EYA1: variants seen among roughly 807,000 people sequenced by gnomAD.
EYA1 encodes EYA transcriptional coactivator and phosphatase 1.
Under a neutral mutation model 82.0 loss-of-function variants are expected in EYA1, and 16 were observed. The ratio of observed to expected loss-of-function variants is 0.20; its 90% CI spans 0.13 to 0.30. EYA1 has a LOEUF of 0.30. Ranked by LOEUF, EYA1 falls within the 10% of genes least tolerant of loss-of-function variation. The pLI is 1.00. For missense variants in EYA1, 633 were observed against 730.7 expected, an observed-to-expected ratio of 0.87 and a Z score of 1.54; for synonymous variants, 261 against 264.4, an observed-to-expected ratio of 0.99 and a Z score of 0.12.
chr8:71,244,609 G>A lies in EYA1; in HGVS notation c.1134C>T (p.Asp378=), dbSNP rs1812855393. 6.4e-7 allele frequency: 1 copy of A among 1,571,062 alleles called. No individual in the cohort carries two copies. The highest frequency in any genetic ancestry group is 8.7e-7 in the Non-Finnish European group (1 of 1,143,560). Residue 378 remains aspartate (D), a synonymous_variant, in exon 12 of 18, where the codon GAC becomes GAT. Coordinates refer to ENST00000340726, the MANE Select transcript of EYA1 (RefSeq NM_000503.6). Reference sequence around the variant, plus strand: ...ATTAAAAATTAGAACTTACTTCTAAGTCATTAAAAAATAAATGTGTGTCTG... The same window carrying A: ...ATTAAAAATTAGAACTTACTTCTAAATCATTAAAAAATAAATGTGTGTCTG... The part of the protein sequence containing the change: ...NLADTHLFFN[D]LEECDQVHID...
intron 2 of EYA1, among the ~76,000 whole-genome samples, chr8:71,381,797 TC>T (rs1344679803): frequency 6.6e-6 from 1 of 152,140 alleles, no homozygotes; most frequent in Non-Finnish European, 1.5e-5. Flanking sequence ...CACACTCAAC[TC>T]CCTATCATAC....
At chr8:71,391,622 CA>C (rs1231560422) in intron 2 of EYA1, among the ~76,000 whole-genome samples, 3 of 152,142 alleles carry the variant, frequency 2.0e-5, no homozygotes, top group Admixed American at 2.0e-4. Context: ...GTTTAGCAGG[CA>C]ATGAATCTGG....
At chr8:71,460,001 T>G (rs906354447) in intron 2 of EYA1, among the ~76,000 whole-genome samples, 7 of 152,196 alleles carry the variant, frequency 4.6e-5, no homozygotes, top group African/African-American at 1.4e-4. Context: ...ACATATTCCT[T>G]TGTTACCTCT....
At position 71,503,993 on chromosome 8, in the gene EYA1, C is replaced by A. The variant is rs76014187; in HGVS notation, c.33+31751G>T. ...CAGCTACTCCTTACAGGAGAGGCAC[C>A]TAAATTATAGCAATTATTTTCATAG... On this transcript the variant is annotated intron_variant, in intron 2 of 18. Transcript: ENST00000643681. Among the ~76,000 whole-genome samples, 768 of 152,200 alleles carry A rather than the reference C, an allele frequency of 5.0e-3. 8 individuals carry two copies. The highest frequency in any genetic ancestry group is 0.017 in the African/African-American group (719 of 41,512).
chr8:71,368,955 G>A (rs1476322679), intron 2 of EYA1, among the ~76,000 whole-genome samples: 3 of 150,226 alleles, frequency 2.0e-5, no homozygotes, highest in African/African-American at 7.4e-5. Flanking sequence ...TTGGGAGGTC[G>A]AGGCAGGTGG....
At chr8:71,235,474 T>G (rs1262273073) in intron 12 of EYA1, among the ~76,000 whole-genome samples, 1 of 152,108 alleles carries the variant, frequency 6.6e-6, no homozygotes, top group East Asian at 1.9e-4. Flanking sequence ...TTCTCCCTTC[T>G]TGACAAATGT....
chr8:71,197,687 T>C lies in EYA1; in HGVS notation c.*1653A>G, dbSNP rs1362494418. ...TGGATAATTCACAAATGACTATTTCTAGCAGCAACACACAACTTCAGAAAA... is the reference window on the plus strand; with the variant it reads ...TGGATAATTCACAAATGACTATTTCCAGCAGCAACACACAACTTCAGAAAA... On this transcript the variant is annotated 3_prime_UTR_variant, in exon 18 of 18. Transcript: ENST00000340726. 6.5e-6 allele frequency: 1 copy of C among 152,672 alleles called. No homozygotes were observed. 9.5% of individuals were successfully genotyped at this position (152,672 alleles called of 1,614,324 possible).
intron 12 of EYA1, among the ~76,000 whole-genome samples, chr8:71,230,136 AG>A (rs1386277711): frequency 3.9e-5 from 6 of 152,312 alleles, no homozygotes; most frequent in African/African-American, 1.4e-4. Context: ...TTGAAGTTAC[AG>A]GCATACAGGC....
At chr8:71,507,317 C>T (rs1812265154) in intron 2 of EYA1, among the ~76,000 whole-genome samples, 1 of 152,298 alleles carries the variant, frequency 6.6e-6, no homozygotes, top group East Asian at 1.9e-4. Flanking sequence ...TTCTTAACCA[C>T]TATGAATACT....
chr8:71,505,125 C>T (rs1297292207), intron 2 of EYA1, among the ~76,000 whole-genome samples: 1 of 152,190 alleles, frequency 6.6e-6, no homozygotes, highest in African/African-American at 2.4e-5. Flanking sequence ...AATTCTGCCA[C>T]AAGTGGAGCC....
intron 5 of EYA1, 121 bp from the exon 6 acceptor site, chr8:71,322,000 C>G: frequency 7.3e-7 from 1 of 1,365,930 alleles, no homozygotes; most frequent in African/African-American, 1.4e-5. Context: ...AACTTTCACA[C>G]AGAATTGACA....
intron 3 of EYA1, among the ~76,000 whole-genome samples, chr8:71,353,943 A>T (rs925674852): frequency 1.3e-5 from 2 of 152,166 alleles, no homozygotes; most frequent in Non-Finnish European, 2.9e-5. Flanking sequence ...ATGAAGAAAT[A>T]ATTTTTCAAT....
chr8:71,425,121 A>C (rs1167508092), intron 2 of EYA1, among the ~76,000 whole-genome samples: 2 of 149,926 alleles, frequency 1.3e-5, no homozygotes, highest in East Asian at 3.9e-4. Context: ...AAAAAAAAAA[A>C]AAAAAAAATC....
chr8:71,529,035 G>A (rs1814045134), intron 2 of EYA1, among the ~76,000 whole-genome samples: 1 of 152,034 alleles, frequency 6.6e-6, no homozygotes. Context: ...TTCATCCTGG[G>A]GACCCAGCAA....
At chr8:71,497,644 T>C (rs1316110137) in intron 2 of EYA1, among the ~76,000 whole-genome samples, 1 of 152,032 alleles carries the variant, frequency 6.6e-6, no homozygotes, top group Non-Finnish European at 1.5e-5. Context: ...ACAACCATTA[T>C]GGAAAACACT....
chr8:71,533,635 G>A (rs1164977421), intron 2 of EYA1, among the ~76,000 whole-genome samples: 1 of 152,034 alleles, frequency 6.6e-6, no homozygotes, highest in African/African-American at 2.4e-5. Context: ...CTATGTTCTA[G>A]GTCCTCTTCC....
In EYA1 at chr8:71,322,265, A is replaced by G. The variant is rs371059560; in HGVS notation, c.206T>C (p.Ile69Thr). The G allele has an allele frequency of 9.3e-6, 15 of 1,613,642 alleles. No individual in the cohort carries two copies. The African/African-American group carries it at 1.1e-4, about 11-fold the overall frequency. ...GSLNNFSGSA[I>T]GSSSFSPRPT... ...TCGTGGGCTGAAACTACTGCTCCCA[A>G]TTGCTGGAAAACAAAAACAAAACAA... is the stretch of plus-strand genomic sequence containing the variant. Residue 69 changes from isoleucine to threonine, a missense_variant, in exon 5 of 18, where the codon ATT (isoleucine) becomes ACT (threonine). Physicochemically the swap from Ile to Thr is moderately conservative, Grantham distance 89. Transcript: ENST00000340726.
chr8:71,485,854 AT>A (rs1225719711), intron 2 of EYA1, among the ~76,000 whole-genome samples: 1 of 152,184 alleles, frequency 6.6e-6, no homozygotes, highest in Non-Finnish European at 1.5e-5. Context: ...CATGGATGGC[AT>A]TTTTTATGAG....
intron 2 of EYA1, among the ~76,000 whole-genome samples, chr8:71,480,503 T>C (rs1055145598): frequency 6.6e-6 from 1 of 152,136 alleles, no homozygotes; most frequent in African/African-American, 2.4e-5. Context: ...ATTCCACTGA[T>C]TGGTCTGCAA....
Sources: allele counts gnomAD v4.1 joint callset (sites outside exome capture counted in the v4.1 genomes callset), GRCh38; gene constraint gnomAD v4.1.1; transcripts MANE v1.5; gene names NCBI Gene and HGNC (gene_info 2026-07-23, HGNC 2026-07-21).